The following KATNIP variants were observed in gnomAD, a reference collection of about 807,000 sequenced individuals.
KATNIP encodes katanin-interacting protein.
Under a neutral mutation model 174.0 loss-of-function variants are expected in KATNIP, and 126 were observed. The observed-to-expected ratio is 0.72, with a 90% CI of 0.63 to 0.84. KATNIP has a LOEUF of 0.84. KATNIP is among the 40% of genes least tolerant of loss of function. The pLI is 0.00. For missense variants in KATNIP, 1,958 were observed against 2,109.7 expected, an observed-to-expected ratio of 0.93 and a Z score of 1.41; for synonymous variants, 810 against 835.7, an observed-to-expected ratio of 0.97 and a Z score of 0.53.
At chr16:27,778,026 G>C in intron 27 of KATNIP, 57 bp downstream of exon 27, 2 of 1,522,158 alleles carry the variant, frequency 1.3e-6, no homozygotes. Context: ...TCTGAATATA[G>C]AAGGAGCTGG....
intron 2 of KATNIP, among the ~76,000 whole-genome samples, chr16:27,607,317 A>G (rs1012584926): frequency 3.9e-5 from 6 of 152,168 alleles, no homozygotes; most frequent in Admixed American, 1.3e-4. Context: ...CCTTCAGACA[A>G]TTTGCTTCAG....
chr16:27,761,501 G>A lies in KATNIP; in HGVS notation c.3720G>A (p.Ala1240=), dbSNP rs139409686. The A allele has an allele frequency of 3.5e-5, 56 of 1,613,900 alleles. No individual in the cohort carries two copies. In the Admixed American group the frequency reaches 5.0e-4, roughly 14 times the overall value. ...AAGTGGTGGGCAAGGAGGGCCAGGC[G>A]CTGCCCATCCACCTGCACCAGATCT... The part of the protein sequence containing the change: ...GLEVVGKEGQ[A]LPIHLHQISA... The change falls in exon 19 of 28, where the codon GCG becomes GCA. Residue 1240 remains alanine (A), a synonymous_variant. Transcript: ENST00000261588.
intron 6 of KATNIP, among the ~76,000 whole-genome samples, chr16:27,676,894 A>G (rs555685550): frequency 2.6e-5 from 4 of 151,090 alleles, no homozygotes; most frequent in African/African-American, 7.3e-5. Flanking sequence ...CTGGTCTTGA[A>G]CTCCTGTTCT....
chr16:27,702,115 C>T (rs558828662), intron 11 of KATNIP, among the ~76,000 whole-genome samples: 2 of 152,332 alleles, frequency 1.3e-5, no homozygotes, highest in African/African-American at 4.8e-5. Context: ...AGACTATACT[C>T]TGTCTCCCCC....
In KATNIP at chr16:27,677,894, G is replaced by A. The variant is rs752849260; in HGVS notation, c.706G>A (p.Asp236Asn). 9.9e-6 allele frequency: 16 copies of A among 1,614,208 alleles called. No individual in the cohort carries two copies. In the East Asian group the frequency reaches 1.3e-4, roughly 13 times the overall value. Residue 236 changes from aspartate (D) to asparagine (N), a missense_variant, in exon 7 of 28, where the codon GAC becomes AAC. Around this residue, in one of 3 missense-constraint regions of KATNIP, gnomAD observed 1,557 missense variants for 1,617.8 expected, o/e 0.96. Coordinates refer to ENST00000261588, the MANE Select transcript of KATNIP (RefSeq NM_015202.5). ...ACATGACCGCCCTCCTTCCAGTGGC[G>A]ACTGGACTCAGAAAGATGTTCACGG... ...PRHDRPPSSG[D>N]WTQKDVHGEQ... is the part of the protein sequence containing the mutation.
intron 1 of KATNIP, among the ~76,000 whole-genome samples, chr16:27,560,864 G>C (rs2089853613): frequency 6.6e-6 from 1 of 152,300 alleles, no homozygotes; most frequent in Non-Finnish European, 1.5e-5. Flanking sequence ...GTGTTTGCTG[G>C]GTTGACACTG....
At chr16:27,751,693 T>C (rs2143821981) in intron 16 of KATNIP, 26 bp from the exon 17 acceptor site, 1 of 1,610,156 alleles carries the variant, frequency 6.2e-7, no homozygotes, top group Non-Finnish European at 8.5e-7. Flanking sequence ...TGAGTTGACC[T>C]TTCTGTCATC....
At chr16:27,778,166 G>A (rs1046407470) in intron 27 of KATNIP, among the ~76,000 whole-genome samples, 197 bp downstream of exon 27, 1 of 152,192 alleles carries the variant, frequency 6.6e-6, no homozygotes, top group Non-Finnish European at 1.5e-5. Context: ...CCATCTTCTT[G>A]CAGGCACCTG....
intron 14 of KATNIP, among the ~76,000 whole-genome samples, chr16:27,730,752 T>C (rs902192311): frequency 5.9e-5 from 9 of 152,232 alleles, no homozygotes; most frequent in African/African-American, 2.2e-4. Flanking sequence ...ATCAAGTCCC[T>C]GCTTCCTGAG....
At chr16:27,659,544 A>T (rs1437581838) in intron 6 of KATNIP, among the ~76,000 whole-genome samples, 1 of 152,108 alleles carries the variant, frequency 6.6e-6, no homozygotes, top group Non-Finnish European at 1.5e-5. Context: ...TTAGATAAAT[A>T]GAAAATTAAT....
chr16:27,612,367 C>G (rs1472385727), intron 2 of KATNIP, among the ~76,000 whole-genome samples: 2 of 152,108 alleles, frequency 1.3e-5, no homozygotes, highest in Non-Finnish European at 2.9e-5. Flanking sequence ...ATGACTGTAG[C>G]TGGGGGTGTT....
Position 27,778,708 on chromosome 16 carries a change from C to A in KATNIP, c.*79C>A. The A allele has an allele frequency of 7.0e-7, 1 of 1,425,286 alleles. No homozygotes were observed. Among genetic ancestry groups the A allele is most frequent in the Non-Finnish European group, 9.7e-7 (1 of 1,028,430 alleles). 88.3% of individuals were successfully genotyped at this position (1,425,286 alleles called of 1,614,324 possible). A position where few individuals can be genotyped will look rare whatever the true frequency, so the allele number is the denominator to read the frequency against. ...CCCACTCAGTGCCTGCGTCCCTCAC[C>A]CTCAGTCCCAGGAGCTGGAAGCGAA... On this transcript the variant is annotated 3_prime_UTR_variant, in exon 28 of 28. Coordinates refer to ENST00000261588, the MANE Select transcript of KATNIP (RefSeq NM_015202.5).
chr16:27,698,307 C>T, intron 8 of KATNIP, 21 bp from the exon 9 acceptor site: 2 of 1,592,624 alleles, frequency 1.3e-6, no homozygotes, highest in East Asian at 2.3e-5. Flanking sequence ...AAAAGAACGT[C>T]CCCCTGTCTT....
At chr16:27,596,381 G>A (rs1567474465) in intron 2 of KATNIP, among the ~76,000 whole-genome samples, 1 of 152,112 alleles carries the variant, frequency 6.6e-6, no homozygotes, top group Non-Finnish European at 1.5e-5. Flanking sequence ...TTTATCTCCT[G>A]AGATGGGAGA....
At chr16:27,770,094 A>C in intron 21 of KATNIP, 76 bp downstream of exon 21, 1 of 1,498,048 alleles carries the variant, frequency 6.7e-7, no homozygotes, top group South Asian at 1.1e-5. Context: ...GCTCTGATGT[A>C]CATTCCGAAA....
chr16:27,708,869 G>A lies in KATNIP; in HGVS notation c.1554G>A (p.Arg518=). The A allele has an allele frequency of 6.2e-7, 1 of 1,614,004 alleles. No homozygotes were observed. Among genetic ancestry groups the A allele is most frequent in the Non-Finnish European group, 8.5e-7 (1 of 1,180,034 alleles). ...TGTCGCCCCACGATGTGGATATCCG[G>A]AACACAGCCACGCCTGGGGAGCTGG... ...LYVSPHDVDI[R]NTATPGELGR... is the part of the protein sequence containing the mutation. The change falls in exon 13 of 28, where the codon CGG becomes CGA. Residue 518 remains arginine (R), a synonymous_variant. Coordinates refer to ENST00000261588, the MANE Select transcript of KATNIP (RefSeq NM_015202.5).
At chr16:27,703,296 A>G (rs2079172560) in intron 11 of KATNIP, among the ~76,000 whole-genome samples, 1 of 152,150 alleles carries the variant, frequency 6.6e-6, no homozygotes, top group African/African-American at 2.4e-5. Context: ...TTTGTGCTTC[A>G]GGGCCTTGGG....
In KATNIP at chr16:27,740,599, G is replaced by A. The variant is rs545529450; in HGVS notation, c.2302G>A (p.Gly768Ser). The A allele has an allele frequency of 3.7e-5, 60 of 1,614,212 alleles. No individual in the cohort carries two copies. In the South Asian group the frequency reaches 5.3e-4, roughly 14 times the overall value. The change falls in exon 15 of 28, where the codon GGC becomes AGC. Residue 768 changes from glycine (G) to serine (S), a missense_variant. By Grantham distance (56) the Gly-to-Ser change is moderately conservative. This residue lies in a region of KATNIP where 1,557 missense variants were observed against 1,617.8 expected (regional missense o/e 0.96). Coordinates refer to ENST00000261588, the MANE Select transcript of KATNIP (RefSeq NM_015202.5). ...SPTGKDRKQG[G>S]RKPKPLWLSP... The stretch of plus-strand genomic sequence containing the variant: ...CACCGGCAAGGACAGGAAGCAGGGA[G>A]GCAGGAAGCCAAAACCCCTCTGGCT...
At chr16:27,747,979 C>G (rs992632631) in intron 15 of KATNIP, among the ~76,000 whole-genome samples, 2 of 152,048 alleles carry the variant, frequency 1.3e-5, no homozygotes, top group African/African-American at 4.8e-5. Context: ...GGAGCCGAGC[C>G]CCCTAGGAGA....
Sources: allele counts gnomAD v4.1 joint callset (sites outside exome capture counted in the v4.1 genomes callset), GRCh38; gene constraint gnomAD v4.1.1; regional missense constraint gnomAD v4.1.1; transcripts MANE v1.5; gene names NCBI Gene and HGNC (gene_info 2026-07-23, HGNC 2026-07-21).